Variants in KLHL36 observed in about 807,000 individuals in gnomAD.
KLHL36 encodes the protein kelch like family member 36, also known as kelch-like protein 36.
KLHL36 carries 35 observed loss-of-function variants against 53.3 expected under a neutral mutation model. The ratio of observed to expected loss-of-function variants is 0.66; its 90% CI spans 0.50 to 0.87. The LOEUF (loss-of-function observed/expected upper bound fraction) is 0.87. Among genes scored for constraint, KLHL36 ranks in the 40% least tolerant of loss-of-function variants. KLHL36 has a pLI of 0.00. For synonymous variants in KLHL36, 472 were observed against 398.9 expected, an observed-to-expected ratio of 1.18 and a Z score of -2.18; for missense variants, 864 against 897.6, an observed-to-expected ratio of 0.96 and a Z score of 0.48.
At position 84,663,167 on chromosome 16, in the gene KLHL36, T is replaced by A. The variant is rs1907657393; in HGVS notation, c.*1034T>A. The stretch of plus-strand genomic sequence containing the variant: ...AGGGCTCCCTAACTCCCACGCCAGG[T>A]CCTGCCCCAGTTTTCTGCTTCTAAG... On this transcript the variant is annotated 3_prime_UTR_variant, in exon 5 of 5. Transcript: ENST00000564996. 6.6e-6 allele frequency: 1 copy of A among 152,216 alleles called. No individual in the cohort carries two copies. The highest frequency in any genetic ancestry group is 1.5e-5 in the Non-Finnish European group (1 of 68,060). 9.4% of individuals were successfully genotyped at this position (152,216 alleles called of 1,614,324 possible).
chr16:84,664,012 ACT>A lies in KLHL36; in HGVS notation c.*1882_*1883del, dbSNP rs751857231. On this transcript the variant is annotated 3_prime_UTR_variant, in exon 5 of 5. Coordinates refer to ENST00000564996, the MANE Select transcript of KLHL36 (RefSeq NM_024731.4). ...AAACAAACAGACCAAAAGGCTGGAA[ACT>A]CTGCTTGGAGCTCTGCAGCATTCCG... 6.6e-6 allele frequency: 1 copy of A among 151,962 alleles called. No individual in the cohort carries two copies. The highest frequency in any genetic ancestry group is 6.6e-5 in the Admixed American group (1 of 15,244). The allele number at this position is 151,962 out of a possible 1,614,324, so 9.4% of individuals were successfully genotyped here.
chr16:84,657,982 A>C, intron 3 of KLHL36, 38 bp downstream of exon 3: 4 of 1,405,806 alleles, frequency 2.8e-6, no homozygotes, highest in Non-Finnish European at 3.8e-6. Flanking sequence ...TCTCTTGAGG[A>C]CTCTCTCGGT....
intron 3 of KLHL36, 60 bp from the exon 4 acceptor site, chr16:84,659,700 C>A: frequency 6.4e-7 from 1 of 1,562,742 alleles, no homozygotes; most frequent in Non-Finnish European, 8.8e-7. Context: ...ACCGCAGCGC[C>A]AGATGTTGAT....
rs530340841 is a variant in KLHL36, at chr16:84,663,545, T to C, written c.*1412T>C. 3.3e-5 allele frequency: 5 copies of C among 152,284 alleles called. No individual in the cohort carries two copies. In the East Asian group the frequency reaches 9.6e-4, roughly 29 times the overall value. 9.4% of individuals were successfully genotyped at this position (152,284 alleles called of 1,614,324 possible). On this transcript the variant is annotated 3_prime_UTR_variant, in exon 5 of 5. Coordinates refer to ENST00000564996, the MANE Select transcript of KLHL36 (RefSeq NM_024731.4). The stretch of plus-strand genomic sequence containing the variant: ...GAGCTGTACCTCACCCAGCATCCGA[T>C]GGCAGAGATCAGTAAACTTCAAGAT...
rs761469860 is a variant in KLHL36, at chr16:84,657,045, C to T, written c.238C>T (p.Arg80Trp). 2.5e-6 allele frequency: 4 copies of T among 1,614,170 alleles called. No individual in the cohort carries two copies. The highest frequency in any genetic ancestry group is 1.1e-5 in the South Asian group (1 of 91,082). The part of the protein sequence containing the change: ...YFNSMFTIGM[R>W]EAFQKEVELI... ...CAACTCCATGTTCACCATCGGCATG[C>T]GGGAAGCTTTCCAGAAGGAGGTGGA... The change falls in exon 3 of 5, where the codon CGG becomes TGG. Residue 80 changes from arginine to tryptophan, a missense_variant. By Grantham distance (101) the Arg-to-Trp change is moderately radical. Transcript: ENST00000564996.
At chr16:84,654,266 T>C (rs1698781999) in intron 2 of KLHL36, among the ~76,000 whole-genome samples, 1 of 152,226 alleles carries the variant, frequency 6.6e-6, no homozygotes, top group Non-Finnish European at 1.5e-5. Flanking sequence ...TCACCGCCAC[T>C]GTAGTACTTT....
At chr16:84,654,293 A>T (rs1025966750) in intron 2 of KLHL36, among the ~76,000 whole-genome samples, 3 of 152,086 alleles carry the variant, frequency 2.0e-5, no homozygotes, top group Non-Finnish European at 4.4e-5. Context: ...TCCTTCCTTC[A>T]GCTCACACCC....
chr16:84,654,165 C>T (rs935976061), intron 2 of KLHL36, among the ~76,000 whole-genome samples: 8 of 152,216 alleles, frequency 5.3e-5, no homozygotes, highest in Non-Finnish European at 1.0e-4. Flanking sequence ...CCCTCACCAG[C>T]GTGGAGACAG....
chr16:84,650,963 T>C (rs1906839563), intron 2 of KLHL36, 33 bp downstream of exon 2: 1 of 1,547,804 alleles, frequency 6.5e-7, no homozygotes, highest in Non-Finnish European at 8.8e-7. Flanking sequence ...CCTATGCAAA[T>C]TGCCTAAGAA....
In KLHL36 at chr16:84,667,141, G is replaced by C. The variant is rs558059434; in HGVS notation, c.*5008G>C. Reference sequence around the variant, plus strand: ...TTGAATGAATGTACACATTTCGGTAGTGGGGGGGCAGAGCGGATAACCCCT... The same window carrying C: ...TTGAATGAATGTACACATTTCGGTACTGGGGGGGCAGAGCGGATAACCCCT... On this transcript the variant is annotated 3_prime_UTR_variant, in exon 5 of 5. Coordinates refer to ENST00000564996, the MANE Select transcript of KLHL36 (RefSeq NM_024731.4). 2 of 151,996 alleles carry C rather than the reference G, an allele frequency of 1.3e-5. No individual in the cohort carries two copies. The highest frequency in any genetic ancestry group is 4.8e-5 in the African/African-American group (2 of 41,472). 9.4% of individuals were successfully genotyped at this position (151,996 alleles called of 1,614,324 possible). A position where few individuals can be genotyped will look rare whatever the true frequency, so the allele number is the denominator to read the frequency against.
At position 84,664,012 on chromosome 16, in the gene KLHL36, A is replaced by G. The variant is rs1907703416; in HGVS notation, c.*1879A>G. 6.6e-6 allele frequency: 1 copy of G among 151,962 alleles called. No individual in the cohort carries two copies. Among genetic ancestry groups the G allele is most frequent in the African/African-American group, 2.4e-5 (1 of 41,340 alleles). The allele number at this position is 151,962 out of a possible 1,614,324, so 9.4% of individuals were successfully genotyped here. A position where few individuals can be genotyped will look rare whatever the true frequency, so the allele number is the denominator to read the frequency against. On this transcript the variant is annotated 3_prime_UTR_variant, in exon 5 of 5. Coordinates refer to ENST00000564996, the MANE Select transcript of KLHL36 (RefSeq NM_024731.4). ...AAACAAACAGACCAAAAGGCTGGAA[A>G]CTCTGCTTGGAGCTCTGCAGCATTC...
Position 84,663,141 on chromosome 16 carries a change from G to C in KLHL36, c.*1008G>C, listed in dbSNP as rs1907656407. 1 of 152,184 alleles carries C rather than the reference G, an allele frequency of 6.6e-6. No individual in the cohort carries two copies. Among genetic ancestry groups the C allele is most frequent in the Admixed American group, 6.5e-5 (1 of 15,270 alleles). 9.4% of individuals were successfully genotyped at this position (152,184 alleles called of 1,614,324 possible). A position where few individuals can be genotyped will look rare whatever the true frequency, so the allele number is the denominator to read the frequency against. ...CATGTGGATCCCTGAGAAGGCAGTGGAGGGCTCCCTAACTCCCACGCCAGG... is the reference window on the plus strand; with the variant it reads ...CATGTGGATCCCTGAGAAGGCAGTGCAGGGCTCCCTAACTCCCACGCCAGG... On this transcript the variant is annotated 3_prime_UTR_variant, in exon 5 of 5. Coordinates refer to ENST00000564996, the MANE Select transcript of KLHL36 (RefSeq NM_024731.4).
chr16:84,657,125 CG>C lies in KLHL36; in HGVS notation c.322del (p.Glu108SerfsTer25). ...AGGCCGTGGTGGACTTCCTGTACGG[CG>C]GGGAGCTGGTGCTGGATGGCGGCAA... ...LKAVVDFLYG[G>X]ELVLDGGNID... On this transcript the variant is annotated frameshift_variant, in exon 3 of 5. Transcript: ENST00000564996. LOFTEE classifies it high-confidence loss of function. 6.2e-7 allele frequency: 1 copy of C among 1,614,142 alleles called. No individual in the cohort carries two copies. The highest frequency in any genetic ancestry group is 1.1e-5 in the South Asian group (1 of 91,080).
chr16:84,652,597 G>A (rs1263394603), intron 2 of KLHL36, among the ~76,000 whole-genome samples: 1 of 152,104 alleles, frequency 6.6e-6, no homozygotes, highest in African/African-American at 2.4e-5. Context: ...TTTAAAAAGT[G>A]TACCCATTAA....
At chr16:84,649,934 C>G (rs1377842307) in intron 1 of KLHL36, among the ~76,000 whole-genome samples, 1 of 152,190 alleles carries the variant, frequency 6.6e-6, no homozygotes, top group East Asian at 1.9e-4. Context: ...TCTGTGTTCC[C>G]TTCCATCTTT....
In KLHL36 at chr16:84,661,567, C is replaced by T. The variant is rs376563223; in HGVS notation, c.1296-11C>T. ...GAGCTCTCCCTCTGTCTCTGCCCGT[C>T]GACCCTGCAGGTTCACGTACGGCCA... On this transcript the variant is annotated splice_polypyrimidine_tract_variant and intron_variant, in intron 4 of 4. Coordinates refer to ENST00000564996, the MANE Select transcript of KLHL36 (RefSeq NM_024731.4). The surrounding 1 kb of genome is among the most constrained non-coding windows in gnomAD (Gnocchi z 7.9). 1,706 of 1,564,518 alleles carry T rather than the reference C, an allele frequency of 1.1e-3. 25 individuals are homozygous for T. In the South Asian group the frequency reaches 0.019, roughly 17 times the overall value.
Position 84,661,716 on chromosome 16 carries a change from C to G in KLHL36, c.1434C>G (p.Pro478=). 6.2e-7 allele frequency: 1 copy of G among 1,613,620 alleles called. No homozygotes were observed. The highest frequency in any genetic ancestry group is 1.3e-5 in the African/African-American group (1 of 75,034). The change falls in exon 5 of 5, where the codon CCC becomes CCG. Residue 478 remains proline, a synonymous_variant. Transcript: ENST00000564996. The surrounding 1 kb of genome is among the most constrained non-coding windows in gnomAD (Gnocchi z 7.9). ...CAGACGTGTGGGAGGAGCGGCGGCC[C>G]ATGACCACGGCGCGCGGCTGGCACA... ...HRTDVWEERR[P]MTTARGWHSM... is the part of the protein sequence containing the mutation.
At chr16:84,655,937 G>T (rs1446392467) in intron 2 of KLHL36, among the ~76,000 whole-genome samples, 1 of 151,954 alleles carries the variant, frequency 6.6e-6, no homozygotes, top group Admixed American at 6.6e-5. Flanking sequence ...TTGTCGTCCA[G>T]GCTGGAGTGC....
intron 2 of KLHL36, among the ~76,000 whole-genome samples, chr16:84,656,320 AGTGTAGTGGTGTGCTCTTG>A: frequency 6.7e-6 from 1 of 148,626 alleles, no homozygotes; most frequent in East Asian, 2.0e-4. Flanking sequence ...CCCAGGCTGG[AGTGTAGTGGTGTGCTCTTG>A]GCTCACTGCA....
Sources: allele counts gnomAD v4.1 joint callset (sites outside exome capture counted in the v4.1 genomes callset), GRCh38; gene constraint gnomAD v4.1.1; non-coding constraint Gnocchi (gnomAD v3.1); transcripts MANE v1.5; gene names NCBI Gene and HGNC (gene_info 2026-07-23, HGNC 2026-07-21).